The following DMBT1 variants were observed in gnomAD, a reference collection of about 807,000 sequenced individuals.
DMBT1 encodes the protein deleted in malignant brain tumors 1, also known as scavenger receptor cysteine-rich domain-containing protein DMBT1.
A neutral mutation model predicts 252.9 loss-of-function variants in DMBT1; 198 were observed. The ratio of observed to expected loss-of-function variants is 0.78; its 90% CI spans 0.70 to 0.88. The LOEUF (loss-of-function observed/expected upper bound fraction) is 0.88, where lower values mean the gene tolerates loss of function less well. DMBT1 is among the 40% of genes least tolerant of loss of function. DMBT1 has a pLI of 0.00. For synonymous variants in DMBT1, 990 were observed against 942.7 expected (o/e 1.05, Z -0.92); for missense variants, 2,432 against 2,404.7 (o/e 1.01, Z -0.24).
intron 2 of DMBT1, among the ~76,000 whole-genome samples, chr10:122,568,833 G>A (rs1231961245): frequency 1.3e-5 from 2 of 152,208 alleles, no homozygotes; most frequent in Non-Finnish European, 2.9e-5. Context: ...AGTCCTACCT[G>A]TCAAGCTGTC....
chr10:122,569,889 G>A (rs2097645532), intron 2 of DMBT1, among the ~76,000 whole-genome samples: 1 of 152,210 alleles, frequency 6.6e-6, no homozygotes, highest in Non-Finnish European at 1.5e-5. Flanking sequence ...CTAGGATGGG[G>A]CTATGAGTGG....
At chr10:122,578,477 G>A (rs949611635) in intron 8 of DMBT1, among the ~76,000 whole-genome samples, 1 of 152,152 alleles carries the variant, frequency 6.6e-6, no homozygotes, top group African/African-American at 2.4e-5. Flanking sequence ...GGGTGGTGAA[G>A]GTTTCCTAAC....
In DMBT1 at chr10:122,585,331, C is replaced by T. The variant is rs376586422; in HGVS notation, c.1459+22C>T. ...GTAGGTAAATAATCCTCTCGCCCCT[C>T]CCTAGGGCTCACTCTCTACCTCTGG... On this transcript the variant is annotated intron_variant, in intron 15 of 55. Transcript: ENST00000338354. 3.2e-6 allele frequency: 5 copies of T among 1,582,514 alleles called. No homozygotes were observed. In the African/African-American group the frequency reaches 6.7e-5, roughly 21 times the overall value.
intron 44 of DMBT1, among the ~76,000 whole-genome samples, chr10:122,622,697 C>G (rs868496064): frequency 1.3e-5 from 2 of 152,322 alleles, no homozygotes; most frequent in South Asian, 4.1e-4. Context: ...TCTCTATTAG[C>G]TCTGACGGCT....
In DMBT1 at chr10:122,598,086, G is replaced by T. The variant is rs538013972; in HGVS notation, c.2956+74G>T. 13 of 1,605,448 alleles carry T rather than the reference G, an allele frequency of 8.1e-6. No individual in the cohort carries two copies. The Admixed American group carries it at 1.8e-4, about 23-fold the overall frequency. On this transcript the variant is annotated intron_variant, in intron 25 of 55. Coordinates refer to ENST00000338354, the MANE Select transcript of DMBT1 (RefSeq NM_001377530.1). ...CAAATGTTTTTTCTGAAAATGATAG[G>T]ATGAGGGTCAAGGTGGGCCCCTCTC...
chr10:122,633,448 C>T, intron 52 of DMBT1, 107 bp downstream of exon 52: 1 of 1,512,846 alleles, frequency 6.6e-7, no homozygotes, highest in Non-Finnish European at 8.8e-7. Context: ...CCCCACAGAC[C>T]TTTCAAGAGG....
rs779456612 is a variant in DMBT1, at chr10:122,618,326, G to C, written c.5201G>C (p.Gly1734Ala). 4 of 1,613,882 alleles carry C rather than the reference G, an allele frequency of 2.5e-6. No homozygotes were observed. The highest frequency in any genetic ancestry group is 4.5e-5 in the East Asian group (2 of 44,884). ...SHNCGHHEDA[G>A]VICSAAQSQS... ...AACTGTGGCCATCATGAAGATGCTG[G>C]TGTCATCTGCTCAGGTGGGCTTTCA... The change falls in exon 41 of 56, where the codon GGT becomes GCT. Residue 1734 changes from glycine to alanine, a missense_variant. Gly to Ala is a moderately conservative substitution (Grantham distance 60, BLOSUM62 0). Coordinates refer to ENST00000338354, the MANE Select transcript of DMBT1 (RefSeq NM_001377530.1).
At chr10:122,590,733 T>G (rs1326595657) in intron 18 of DMBT1, 39 bp downstream of exon 18, 1 of 1,578,488 alleles carries the variant, frequency 6.3e-7, no homozygotes, top group Non-Finnish European at 8.6e-7. Context: ...GTCCCTTTTC[T>G]TTCTGCACAA....
chr10:122,588,580 G>A lies in DMBT1; in HGVS notation c.1784-364G>A, dbSNP rs532071151. On this transcript the variant is annotated intron_variant, in intron 16 of 55. Transcript: ENST00000338354. ...TGCCATCCTTGGCAATTTGCCAGAA[G>A]CCAGGGAGGACCATGGGGGTGCCAC... 6.7e-5 allele frequency among the ~76,000 whole-genome samples: 10 copies of A among 149,022 alleles called. 1 individual carries two copies. The highest frequency in any genetic ancestry group is 2.4e-4 in the African/African-American group (10 of 41,276).
intron 29 of DMBT1, 127 bp downstream of exon 29, chr10:122,602,247 GT>G: frequency 2.4e-6 from 1 of 420,000 alleles, no homozygotes; most frequent in Non-Finnish European, 3.5e-6. Context: ...ATGCAGCCTT[GT>G]TAGCTCCCTG....
intron 1 of DMBT1, among the ~76,000 whole-genome samples, chr10:122,565,079 A>G (rs908777361): frequency 7.9e-5 from 12 of 152,218 alleles, no homozygotes; most frequent in Non-Finnish European, 1.5e-4. Flanking sequence ...TTGGGCATGG[A>G]AGAATTATGA....
At chr10:122,598,742 G>C in intron 25 of DMBT1, 32 bp from the exon 26 acceptor site, 1 of 1,612,394 alleles carries the variant, frequency 6.2e-7, no homozygotes, top group Non-Finnish European at 8.5e-7. Flanking sequence ...TCATGATAGG[G>C]ATGGATGAAG....
chr10:122,621,058 A>G lies in DMBT1; in HGVS notation c.5286A>G (p.Gly1762=), dbSNP rs773587819. ...LTTNLPALTV[G]SESSLALRLV... ...AAGGGTTCTTGTGTTCCCCTGTAGGATCTGAATCCAGTTTGGCTCTGAGGC... is the reference window on the plus strand; with the variant it reads ...AAGGGTTCTTGTGTTCCCCTGTAGGGTCTGAATCCAGTTTGGCTCTGAGGC... The change falls in exon 44 of 56, where the codon GGA becomes GGG. Residue 1762 remains glycine (G), a splice_region_variant and synonymous_variant. Transcript: ENST00000338354. The G allele has an allele frequency of 6.2e-7, 1 of 1,613,022 alleles. No homozygotes were observed. Among genetic ancestry groups the G allele is most frequent in the East Asian group, 2.2e-5 (1 of 44,886 alleles).
intron 25 of DMBT1, 52 bp from the exon 26 acceptor site, chr10:122,598,722 A>G (rs1263151376): frequency 5.0e-6 from 8 of 1,611,590 alleles, no homozygotes; most frequent in African/African-American, 1.3e-5. Context: ...CATTCCTTAG[A>G]TTCCTGACCT....
chr10:122,634,363 T>TCTTCCTTC (rs758006778), intron 52 of DMBT1, among the ~76,000 whole-genome samples: 2 of 104,904 alleles, frequency 1.9e-5, no homozygotes. Context: ...TTTCTTTCTT[T>TCTTCCTTC]CTTTCTTTCT....
rs922350598 is a variant in DMBT1, at chr10:122,592,643, C to T, written c.2500+48C>T. On this transcript the variant is annotated intron_variant, in intron 20 of 55. Coordinates refer to ENST00000338354, the MANE Select transcript of DMBT1 (RefSeq NM_001377530.1). ...TCCCTCTCCTAGACTGGAGTTTGCTCAGGAAGAAAATCCTAATTACATTCT... is the reference window on the plus strand; with the variant it reads ...TCCCTCTCCTAGACTGGAGTTTGCTTAGGAAGAAAATCCTAATTACATTCT... 1.0e-5 allele frequency: 16 copies of T among 1,585,070 alleles called. 2 individuals carry two copies. The highest frequency in any genetic ancestry group is 1.3e-5 in the Non-Finnish European group (15 of 1,164,008).
At chr10:122,561,707 G>T (rs2097548235) in intron 1 of DMBT1, among the ~76,000 whole-genome samples, 2 of 148,014 alleles carry the variant, frequency 1.4e-5, no homozygotes, top group Admixed American at 6.8e-5. Context: ...CCATCTTTTG[G>T]GCAGATATCA....
At chr10:122,572,729 T>G (rs1591190428) in intron 5 of DMBT1, among the ~76,000 whole-genome samples, 1 of 152,196 alleles carries the variant, frequency 6.6e-6, no homozygotes, top group Non-Finnish European at 1.5e-5. Context: ...CAGAGCCTGC[T>G]GATGCAATCA....
intron 44 of DMBT1, among the ~76,000 whole-genome samples, chr10:122,623,340 T>C (rs1010909416): frequency 2.0e-5 from 3 of 152,248 alleles, no homozygotes; most frequent in African/African-American, 7.2e-5. Context: ...ATCTTTTGGC[T>C]GTTGTGAATA....
Sources: gnomAD v4.1 joint callset for allele counts (sites outside exome capture counted in the v4.1 genomes callset) on GRCh38, gnomAD v4.1.1 for gene constraint, MANE v1.5 for transcripts, NCBI Gene and HGNC (gene_info 2026-07-23, HGNC 2026-07-21) for gene names.